The following CHD4 variants were observed in gnomAD, a reference collection of about 807,000 sequenced individuals.
CHD4 encodes the protein chromodomain helicase DNA binding protein 4.
Under a neutral mutation model 235.5 loss-of-function variants are expected in CHD4, and 35 were observed. That is an observed-to-expected ratio of 0.15 (90% CI 0.11 to 0.20). CHD4 has a LOEUF of 0.20. CHD4 is among the 10% of genes least tolerant of loss of function. The pLI is 1.00. For missense variants in CHD4, 1,329 were observed against 2,432.3 expected (o/e 0.55, Z 9.54); for synonymous variants, 900 against 850.2 (o/e 1.06, Z -1.02).
intron 25 of CHD4, chr12:6,584,088 T>C (rs1592267252): frequency 6.6e-6 from 1 of 152,140 alleles, no homozygotes; most frequent in Non-Finnish European, 1.5e-5. Flanking sequence ...CAACCATAGA[T>C]GGAAAATATT....
chr12:6,575,224 G>A (rs964373405), intron 37 of CHD4, among the ~76,000 whole-genome samples: 1 of 152,144 alleles, frequency 6.6e-6, no homozygotes, highest in African/African-American at 2.4e-5. Context: ...AAGGCGGGCA[G>A]ATCACCTGAG....
chr12:6,598,844 C>A (rs1185901237), intron 10 of CHD4, among the ~76,000 whole-genome samples: 1 of 152,180 alleles, frequency 6.6e-6, no homozygotes, highest in Non-Finnish European at 1.5e-5. Flanking sequence ...CAAATAAAAT[C>A]TAATCCCAGG....
chr12:6,587,252 G>C (rs898826789), intron 25 of CHD4, 132 bp downstream of exon 25: 1 of 869,326 alleles, frequency 1.2e-6, no homozygotes, highest in African/African-American at 1.7e-5. Context: ...TGTTTTCAAA[G>C]GAAGAGGATC....
intron 2 of CHD4, among the ~76,000 whole-genome samples, chr12:6,605,567 G>A (rs1163238029): frequency 2.0e-5 from 3 of 152,140 alleles, no homozygotes; most frequent in East Asian, 1.9e-4. Context: ...ACCTCATAGA[G>A]ACAGAAGCCA....
chr12:6,582,290 AG>A lies in CHD4; in HGVS notation c.4371-10del. ...AAAGAGAGACATATGCCCTGTGTAA[AG>A]AAGTAGAGAAAGAGTTAAATAGGGA... On this transcript the variant is annotated splice_polypyrimidine_tract_variant and intron_variant, in intron 29 of 39. Transcript: ENST00000544040. 6.4e-7 allele frequency: 1 copy of A among 1,553,018 alleles called. No homozygotes were observed. The highest frequency in any genetic ancestry group is 1.4e-5 in the African/African-American group (1 of 72,120).
At chr12:6,579,750 C>CA (rs61518872) in intron 33 of CHD4, among the ~76,000 whole-genome samples, 13,170 of 73,296 alleles carry the variant, frequency 0.18, 1,051 homozygotes, top group African/African-American at 0.22. Context: ...GACTCCGTCT[C>CA]AAAAAAAAAA....
intron 10 of CHD4, among the ~76,000 whole-genome samples, chr12:6,599,440 C>CA (rs1209575340): frequency 1.2e-4 from 17 of 144,340 alleles, no homozygotes; most frequent in Admixed American, 2.1e-4. Flanking sequence ...ACCCTGTCTC[C>CA]AAAAAAAAAA....
intron 7 of CHD4, 76 bp downstream of exon 7, chr12:6,600,850 G>A (rs1005201009): frequency 8.4e-5 from 128 of 1,522,622 alleles, no homozygotes; most frequent in Non-Finnish European, 9.8e-5. Flanking sequence ...TACTATGAAG[G>A]ACAGGTTCTG....
At position 6,573,188 on chromosome 12, in the gene CHD4, A is replaced by T. The variant is rs1328634134; in HGVS notation, c.5443T>A (p.Ser1815Thr). ...LNMSEDPSHP[S>T]MALNTRFAEV... is the part of the protein sequence containing the mutation. ...GCAAAGCGGGTGTTGAGGGCCATGG[A>T]AGGGTGAGAAGGGTCTTCTGACATG... Residue 1815 changes from serine to threonine, a missense_variant, in exon 38 of 40, where the codon TCC (serine) becomes ACC (threonine). Ser to Thr is a moderately conservative substitution (Grantham distance 58). Coordinates refer to ENST00000544040, the MANE Select transcript of CHD4 (RefSeq NM_001273.5). 3.4e-5 allele frequency: 55 copies of T among 1,606,282 alleles called. No individual in the cohort carries two copies. Among genetic ancestry groups the T allele is most frequent in the Non-Finnish European group, 4.5e-5 (53 of 1,177,370 alleles).
chr12:6,601,833 G>A, intron 4 of CHD4, 67 bp from the exon 5 acceptor site: 7 of 1,568,842 alleles, frequency 4.5e-6, no homozygotes, highest in Non-Finnish European at 6.1e-6. Flanking sequence ...GCAAATTTGT[G>A]TGGAAAAATC....
At chr12:6,606,502 C>T (rs1370993021) in intron 1 of CHD4, 51 bp from the exon 2 acceptor site, 4 of 542,200 alleles carry the variant, frequency 7.4e-6, no homozygotes, top group Non-Finnish European at 6.4e-6. Flanking sequence ...CGCGCACTGT[C>T]CCCCTCCCCC....
intron 38 of CHD4, 136 bp downstream of exon 38, chr12:6,572,938 G>C (rs547942898): frequency 2.5e-6 from 2 of 803,318 alleles, no homozygotes; most frequent in African/African-American, 1.8e-5. Flanking sequence ...ACCTCCCAAG[G>C]ATGGCAAAGA....
intron 26 of CHD4, 35 bp downstream of exon 26, chr12:6,583,163 G>T: frequency 8.9e-7 from 1 of 1,118,484 alleles, no homozygotes; most frequent in East Asian, 4.9e-5. Context: ...TAGTGGAACG[G>T]CCCATGGGTG....
In CHD4 at chr12:6,593,763, G is replaced by T; in HGVS notation, c.2314-147C>A. On this transcript the variant is annotated intron_variant, in intron 15 of 39. Transcript: ENST00000544040. The surrounding 1 kb of genome is among the most constrained non-coding windows in gnomAD (Gnocchi z 4.9). The stretch of plus-strand genomic sequence containing the variant: ...CCTGCTCTCACCTTCCTCTATACAA[G>T]TGCCCAGCCCACTCCTTTCCAAAAA... The T allele has an allele frequency of 1.5e-6, 1 of 686,146 alleles. No individual in the cohort carries two copies. Among genetic ancestry groups the T allele is most frequent in the Non-Finnish European group, 2.4e-6 (1 of 408,418 alleles). The allele number at this position is 686,146 out of a possible 1,614,324, so 42.5% of individuals were successfully genotyped here.
intron 12 of CHD4, among the ~76,000 whole-genome samples, chr12:6,597,007 C>T (rs573690817): frequency 8.6e-5 from 13 of 151,144 alleles, no homozygotes; most frequent in South Asian, 2.1e-4. Flanking sequence ...CGGCGGCTCA[C>T]GCCTGTAATC....
intron 38 of CHD4, among the ~76,000 whole-genome samples, chr12:6,572,569 T>G (rs1471197866): frequency 6.6e-6 from 1 of 152,148 alleles, no homozygotes; most frequent in African/African-American, 2.4e-5. Flanking sequence ...CATCTCTTTT[T>G]TTTCTGGAGT....
At chr12:6,606,095 A>G (rs1948690849) in intron 2 of CHD4, among the ~76,000 whole-genome samples, 179 bp downstream of exon 2, 1 of 152,174 alleles carries the variant, frequency 6.6e-6, no homozygotes, top group African/African-American at 2.4e-5. Context: ...CAGGAGGCAC[A>G]TGGCTTCCAC....
intron 17 of CHD4, 57 bp from the exon 18 acceptor site, chr12:6,592,874 T>C (rs1948424182): frequency 6.4e-7 from 1 of 1,573,362 alleles, no homozygotes; most frequent in Admixed American, 1.9e-5. Context: ...CTAGCAAATC[T>C]CTACAAAATT....
rs1376706260 is a variant in CHD4, at chr12:6,593,127, C to T, written c.2616G>A (p.Val872=). 1.2e-6 allele frequency: 2 copies of T among 1,614,178 alleles called. No individual in the cohort carries two copies. The highest frequency in any genetic ancestry group is 1.7e-6 in the Non-Finnish European group (2 of 1,180,032). Residue 872 remains valine, a synonymous_variant, in exon 17 of 40, where the codon GTG becomes GTA. Coordinates refer to ENST00000544040, the MANE Select transcript of CHD4 (RefSeq NM_001273.5). The surrounding 1 kb of genome is among the most constrained non-coding windows in gnomAD (Gnocchi z 4.9). The part of the protein sequence containing the change: ...LGSIDWACLI[V]DEAHRLKNNQ... ...TGTTCTTCAGCCGATGGGCTTCATCCACGATGAGGCAGGCCCAATCAATAG... is the reference window on the plus strand; with the variant it reads ...TGTTCTTCAGCCGATGGGCTTCATCTACGATGAGGCAGGCCCAATCAATAG...
Sources: allele counts gnomAD v4.1 joint callset (sites outside exome capture counted in the v4.1 genomes callset), GRCh38; gene constraint gnomAD v4.1.1; non-coding constraint Gnocchi (gnomAD v3.1); transcripts MANE v1.5; gene names NCBI Gene and HGNC (gene_info 2026-07-23, HGNC 2026-07-21).